NFATC3: variants seen among roughly 807,000 people sequenced by gnomAD.
The protein encoded by NFATC3 is nuclear factor of activated T-cells, cytoplasmic 3.
NFATC3 carries 46 observed loss-of-function variants against 98.6 expected under a neutral mutation model. The ratio of observed to expected loss-of-function variants is 0.47; its 90% CI spans 0.37 to 0.60. The LOEUF is 0.60. NFATC3 is among the 20% of genes least tolerant of loss of function. The probability of loss-of-function intolerance (pLI) is 0.00; values close to 1 mark genes in which losing one functional copy is unlikely to be tolerated. For synonymous variants in NFATC3, 512 were observed against 472.2 expected (o/e 1.08, Z -1.09); for missense variants, 1,256 against 1,295.5 (o/e 0.97, Z 0.47).
intron 9 of NFATC3, chr16:68,214,270 G>T: frequency 7.5e-7 from 1 of 1,338,342 alleles, no homozygotes; most frequent in Non-Finnish European, 1.1e-6. Flanking sequence ...CACTGTAGTA[G>T]ATTAAGTTCA....
chr16:68,091,935 A>T (rs1477288919), intron 1 of NFATC3, among the ~76,000 whole-genome samples: 1 of 152,224 alleles, frequency 6.6e-6, no homozygotes, highest in Non-Finnish European at 1.5e-5. Flanking sequence ...GGCTTGGGAG[A>T]GTCACAAGCA....
chr16:68,179,031 C>T (rs1386161503), intron 6 of NFATC3, among the ~76,000 whole-genome samples: 2 of 152,200 alleles, frequency 1.3e-5, no homozygotes, highest in Non-Finnish European at 2.9e-5. Context: ...CTTTATACAG[C>T]ATCACAGCTG....
intron 6 of NFATC3, among the ~76,000 whole-genome samples, chr16:68,180,008 A>G (rs1452899585): frequency 2.0e-5 from 3 of 152,184 alleles, no homozygotes; most frequent in Non-Finnish European, 4.4e-5. Flanking sequence ...GCACCCCAAG[A>G]AAGCTTTCAT....
At chr16:68,088,351 T>C (rs1302841465) in intron 1 of NFATC3, among the ~76,000 whole-genome samples, 1 of 146,690 alleles carries the variant, frequency 6.8e-6, no homozygotes, top group Non-Finnish European at 1.5e-5. Context: ...ACATATATTA[T>C]ATATAAAATA....
chr16:68,164,951 C>T (rs371173623), intron 4 of NFATC3, among the ~76,000 whole-genome samples: 37 of 152,184 alleles, frequency 2.4e-4, no homozygotes, highest in African/African-American at 3.4e-4. Context: ...TTATTTTCAC[C>T]GCTACATAAG....
intron 8 of NFATC3, among the ~76,000 whole-genome samples, chr16:68,190,031 C>G (rs187719118): frequency 3.0e-4 from 45 of 152,198 alleles, no homozygotes; most frequent in African/African-American, 1.1e-3. Context: ...AGAGTGAGAC[C>G]CTGTTTCCCA....
chr16:68,210,814 C>T (rs1004498113), intron 9 of NFATC3, among the ~76,000 whole-genome samples: 7 of 152,108 alleles, frequency 4.6e-5, no homozygotes, highest in Non-Finnish European at 2.9e-5. Context: ...TGGAGTCTTG[C>T]TCTGTCGCTC....
chr16:68,118,240 A>T (rs2036392573), intron 1 of NFATC3, among the ~76,000 whole-genome samples: 1 of 152,136 alleles, frequency 6.6e-6, no homozygotes, highest in Non-Finnish European at 1.5e-5. Flanking sequence ...CCATCTCTGT[A>T]ATCTCTGTAA....
chr16:68,156,445 A>G (rs2038622778), intron 3 of NFATC3, among the ~76,000 whole-genome samples: 1 of 152,256 alleles, frequency 6.6e-6, no homozygotes, highest in Non-Finnish European at 1.5e-5. Context: ...ATGCTTAGCA[A>G]CCAAATCCAT....
At chr16:68,221,990 A>T (rs1212870289) in intron 9 of NFATC3, among the ~76,000 whole-genome samples, 1 of 152,098 alleles carries the variant, frequency 6.6e-6, no homozygotes, top group South Asian at 2.1e-4. Context: ...CTTATAAGAT[A>T]TAGAAGAACA....
chr16:68,173,294 C>T (rs1023868145), intron 5 of NFATC3, among the ~76,000 whole-genome samples: 4 of 151,816 alleles, frequency 2.6e-5, no homozygotes, highest in African/African-American at 9.7e-5. Context: ...AGGCCGGGCG[C>T]GGTGGCTCAC....
chr16:68,174,661 T>C (rs1013403899), intron 6 of NFATC3, 147 bp downstream of exon 6: 17 of 609,338 alleles, frequency 2.8e-5, no homozygotes, highest in Non-Finnish European at 4.2e-5. Context: ...AAACCAAACA[T>C]TTATTAAATT....
At chr16:68,145,098 G>T (rs917616479) in intron 3 of NFATC3, among the ~76,000 whole-genome samples, 2 of 151,182 alleles carry the variant, frequency 1.3e-5, no homozygotes, top group Non-Finnish European at 2.9e-5. Context: ...GACCCACTAT[G>T]CCTGGCCTAA....
intron 1 of NFATC3, among the ~76,000 whole-genome samples, chr16:68,110,038 T>C (rs1427518824): frequency 1.3e-5 from 2 of 152,150 alleles, no homozygotes; most frequent in Non-Finnish European, 2.9e-5. Flanking sequence ...GGAGTCTCAC[T>C]CTGTTGCTCA....
chr16:68,085,855 T>G, intron 1 of NFATC3, 71 bp downstream of exon 1: 1 of 1,199,302 alleles, frequency 8.3e-7, no homozygotes, highest in Non-Finnish European at 1.1e-6. Context: ...GCTCCCTCCC[T>G]GTTCCCTTGG....
In NFATC3 at chr16:68,191,434, C is replaced by G; in HGVS notation, c.2765C>G (p.Ser922Cys). 1.2e-6 allele frequency: 2 copies of G among 1,614,116 alleles called. No individual in the cohort carries two copies. Among genetic ancestry groups the G allele is most frequent in the Non-Finnish European group, 1.7e-6 (2 of 1,180,024 alleles). Residue 922 changes from serine to cysteine, a missense_variant, in exon 9 of 10, where the codon TCT becomes TGT. By Grantham distance (112) the Ser-to-Cys change is moderately radical (BLOSUM62 -1). This residue lies in a region of NFATC3 where 636 missense variants were observed against 617.3 expected (regional missense o/e 1.03). Transcript: ENST00000346183. ...PITYGPSHSG[S>C]ATTASPAASH... Reference sequence around the variant, plus strand: ...ACATATGGTCCTTCACATTCAGGGTCTGCTACAACAGCTTCCCCAGCAGCT... The same window carrying G: ...ACATATGGTCCTTCACATTCAGGGTGTGCTACAACAGCTTCCCCAGCAGCT...
At chr16:68,123,811 CG>C (rs2036678278) in intron 2 of NFATC3, among the ~76,000 whole-genome samples, 1 of 135,076 alleles carries the variant, frequency 7.4e-6, no homozygotes, top group Non-Finnish European at 1.8e-5. Context: ...ATGGCAAAAC[CG>C]TGTCTCTACA....
At chr16:68,224,082 T>C (rs1292885358) in intron 9 of NFATC3, among the ~76,000 whole-genome samples, 1 of 103,486 alleles carries the variant, frequency 9.7e-6, no homozygotes, top group African/African-American at 3.7e-5. Flanking sequence ...CCGTCTCTAC[T>C]AAAAATACAA....
intron 7 of NFATC3, among the ~76,000 whole-genome samples, chr16:68,182,083 C>G (rs116207618): frequency 6.6e-6 from 1 of 152,018 alleles, no homozygotes; most frequent in Admixed American, 6.6e-5. Flanking sequence ...TCAGAAGGTT[C>G]TTATTGAAAT....
Sources: allele counts gnomAD v4.1 joint callset (sites outside exome capture counted in the v4.1 genomes callset), GRCh38; gene constraint gnomAD v4.1.1; regional missense constraint gnomAD v4.1.1; transcripts MANE v1.5; gene names NCBI Gene and HGNC (gene_info 2026-07-23, HGNC 2026-07-21).